The following MAP3K20 variants were observed in gnomAD, a reference collection of about 807,000 sequenced individuals.
MAP3K20 encodes the protein HCCS-4.
A neutral mutation model predicts 85.7 loss-of-function variants in MAP3K20; 40 were observed. The ratio of observed to expected loss-of-function variants is 0.47; its 90% CI spans 0.36 to 0.61. The LOEUF (loss-of-function observed/expected upper bound fraction) is 0.61. MAP3K20 is among the 20% of genes least tolerant of loss of function. The pLI, the probability that MAP3K20 is intolerant of heterozygous loss-of-function variation, is 0.00. For missense variants in MAP3K20, 817 were observed against 961.7 expected (o/e 0.85, Z 1.99); for synonymous variants, 325 against 327.7 (o/e 0.99, Z 0.09).
At chr2:173,093,493 C>G (rs1291023463) in intron 2 of MAP3K20, among the ~76,000 whole-genome samples, 1 of 152,168 alleles carries the variant, frequency 6.6e-6, no homozygotes, top group Non-Finnish European at 1.5e-5. Flanking sequence ...TTTACTTTCA[C>G]TTTATTTGCA....
intron 16 of MAP3K20, 83 bp from the exon 17 acceptor site, chr2:173,258,616 T>C: frequency 1.4e-6 from 1 of 712,698 alleles, no homozygotes; most frequent in Non-Finnish European, 2.4e-6. Context: ...TCATTTAGAA[T>C]ATTTTATGTG....
In MAP3K20 at chr2:173,170,382, C is replaced by T. The variant is rs1043921483; in HGVS notation, c.247+490C>T. ...GTAATGACCTTGATCTAAATTATCA[C>T]ATAATTTGGAGCAGCAGTTTATAAC... On this transcript the variant is annotated intron_variant, in intron 3 of 19. Coordinates refer to ENST00000375213, the MANE Select transcript of MAP3K20 (RefSeq NM_016653.3). Among the ~76,000 whole-genome samples, 4 of 152,298 alleles carry T rather than the reference C, an allele frequency of 2.6e-5. No individual in the cohort carries two copies. In the South Asian group the frequency reaches 8.3e-4, roughly 32 times the overall value.
chr2:173,079,565 CTT>C (rs1686957015), intron 1 of MAP3K20, among the ~76,000 whole-genome samples: 1 of 152,144 alleles, frequency 6.6e-6, no homozygotes, highest in Non-Finnish European at 1.5e-5. Context: ...TGAAATAACA[CTT>C]AGCTTAAAAC....
intron 3 of MAP3K20, among the ~76,000 whole-genome samples, chr2:173,174,276 A>G (rs935815049): frequency 2.0e-5 from 3 of 152,160 alleles, no homozygotes; most frequent in African/African-American, 4.8e-5. Context: ...ATAGGTATAC[A>G]TGTGCCATGG....
chr2:173,144,007 A>G (rs970953726), intron 2 of MAP3K20, among the ~76,000 whole-genome samples: 1 of 152,104 alleles, frequency 6.6e-6, no homozygotes, highest in African/African-American at 2.4e-5. Flanking sequence ...ACTTTAAAAG[A>G]CCTAAATTAT....
chr2:173,126,386 G>C (rs1688444369), intron 2 of MAP3K20, among the ~76,000 whole-genome samples: 1 of 151,794 alleles, frequency 6.6e-6, no homozygotes, highest in African/African-American at 2.4e-5. Flanking sequence ...CTTTCTTTTT[G>C]TTTTTGTTTT....
intron 2 of MAP3K20, among the ~76,000 whole-genome samples, chr2:173,154,697 A>G (rs1689413797): frequency 6.6e-6 from 1 of 152,204 alleles, no homozygotes; most frequent in Non-Finnish European, 1.5e-5. Context: ...GCACTCTGCC[A>G]TCCTTGTTTT....
intron 2 of MAP3K20, among the ~76,000 whole-genome samples, chr2:173,169,012 A>G (rs774654898): frequency 6.6e-6 from 1 of 152,174 alleles, no homozygotes; most frequent in Admixed American, 6.5e-5. Flanking sequence ...TCAAGAATCT[A>G]CCTTTATATG....
intron 7 of MAP3K20, among the ~76,000 whole-genome samples, chr2:173,196,690 T>C (rs940408866): frequency 6.6e-6 from 1 of 152,200 alleles, no homozygotes; most frequent in Non-Finnish European, 1.5e-5. Context: ...ATGATTTGCT[T>C]GACTAGAGAG....
At chr2:173,174,231 C>T (rs1041407577) in intron 3 of MAP3K20, among the ~76,000 whole-genome samples, 1 of 152,018 alleles carries the variant, frequency 6.6e-6, no homozygotes, top group African/African-American at 2.4e-5. Context: ...ACTTTAAATT[C>T]TGGGATACAT....
intron 16 of MAP3K20, among the ~76,000 whole-genome samples, chr2:173,239,921 C>T (rs1684742204): frequency 6.6e-6 from 1 of 152,168 alleles, no homozygotes; most frequent in Non-Finnish European, 1.5e-5. Flanking sequence ...GGTGGCAGGG[C>T]ATTTGAGCAA....
At chr2:173,188,529 G>A (rs1690558234) in intron 5 of MAP3K20, among the ~76,000 whole-genome samples, 2 of 152,066 alleles carry the variant, frequency 1.3e-5, no homozygotes, top group South Asian at 2.1e-4. Context: ...ATGACAAGTA[G>A]TGGAAGAGAA....
Position 173,187,584 on chromosome 2 carries a change from C to T in MAP3K20, c.376C>T (p.Pro126Ser). 1.2e-6 allele frequency: 2 copies of T among 1,607,914 alleles called. No individual in the cohort carries two copies. Among genetic ancestry groups the T allele is most frequent in the Non-Finnish European group, 1.7e-6 (2 of 1,177,920 alleles). Residue 126 changes from proline to serine, a missense_variant, in exon 5 of 20, where the codon CCT becomes TCT. This residue lies in a region of MAP3K20 where 200 missense variants were observed against 302.7 expected (regional missense o/e 0.66). Transcript: ENST00000375213. ...KGMHYLHMEA[P>S]VKVIHRDLKS... is the part of the protein sequence containing the mutation. ...AATGCATTATTTACATATGGAGGCT[C>T]CTGTCAAGGTGATTCACAGAGACCT...
chr2:173,221,887 T>C (rs1684261704), intron 11 of MAP3K20: 1 of 996,042 alleles, frequency 1.0e-6, no homozygotes, highest in Non-Finnish European at 1.2e-6. Flanking sequence ...ATTCAAATCA[T>C]TTTTAAAAAC....
chr2:173,232,250 T>A, intron 13 of MAP3K20, 28 bp downstream of exon 13: 1 of 1,614,210 alleles, frequency 6.2e-7, no homozygotes, highest in Non-Finnish European at 8.5e-7. Flanking sequence ...CCTTCTTCAA[T>A]CATGGAGTTA....
chr2:173,217,053 C>A, intron 10 of MAP3K20, 62 bp from the exon 11 acceptor site: 2 of 1,344,144 alleles, frequency 1.5e-6, no homozygotes, highest in South Asian at 2.6e-5. Flanking sequence ...TTCTGATGGA[C>A]CCACTAAGCG....
At chr2:173,139,683 A>C (rs972730979) in intron 2 of MAP3K20, among the ~76,000 whole-genome samples, 6 of 152,270 alleles carry the variant, frequency 3.9e-5, no homozygotes, top group Non-Finnish European at 2.9e-5. Context: ...GCTTGGTGGA[A>C]TCTCTTCCAA....
chr2:173,206,708 A>T (rs1683697773), intron 9 of MAP3K20, among the ~76,000 whole-genome samples: 1 of 152,198 alleles, frequency 6.6e-6, no homozygotes, highest in Non-Finnish European at 1.5e-5. Context: ...TCCTAGATGG[A>T]CGGCAAGCTT....
At chr2:173,085,795 T>C (rs1687128828) in intron 1 of MAP3K20, among the ~76,000 whole-genome samples, 1 of 134,592 alleles carries the variant, frequency 7.4e-6, no homozygotes, top group South Asian at 2.6e-4. Flanking sequence ...TTTTTTTTTT[T>C]TTTTTTTTTT....
Sources: gnomAD v4.1 joint callset for allele counts (sites outside exome capture counted in the v4.1 genomes callset) on GRCh38, gnomAD v4.1.1 for gene constraint, gnomAD v4.1.1 regional missense constraint, MANE v1.5 for transcripts, NCBI Gene and HGNC (gene_info 2026-07-23, HGNC 2026-07-21) for gene names.